The following SGCZ variants were observed in gnomAD, a reference collection of about 807,000 sequenced individuals.
SGCZ encodes sarcoglycan zeta, also known as zeta-sarcoglycan.
Under a neutral mutation model 41.3 loss-of-function variants are expected in SGCZ, and 40 were observed. That is an observed-to-expected ratio of 0.97 (90% CI 0.75 to 1.26). SGCZ has a LOEUF of 1.26. Among genes scored for constraint, SGCZ ranks in the 50% most tolerant of loss-of-function variants. The pLI is 0.00. For synonymous variants in SGCZ, 206 were observed against 137.5 expected, an observed-to-expected ratio of 1.50 and a Z score of -3.49; for missense variants, 552 against 369.8, an observed-to-expected ratio of 1.49 and a Z score of -4.04.
chr8:14,329,587 A>G (rs1802241657), intron 2 of SGCZ, among the ~76,000 whole-genome samples: 1 of 148,098 alleles, frequency 6.8e-6, no homozygotes, highest in South Asian at 2.2e-4. Context: ...TTTTAGTATT[A>G]TGCTTGCTCA....
intron 1 of SGCZ, among the ~76,000 whole-genome samples, chr8:15,236,863 G>A (rs1373818229): frequency 2.0e-5 from 3 of 152,012 alleles, no homozygotes; most frequent in African/African-American, 7.2e-5. Flanking sequence ...GTGTGCGGCC[G>A]GAGCCTCCGC....
intron 4 of SGCZ, among the ~76,000 whole-genome samples, chr8:14,181,675 C>T (rs907921022): frequency 6.6e-5 from 10 of 152,158 alleles, no homozygotes; most frequent in African/African-American, 1.4e-4. Flanking sequence ...GTTTTATAAA[C>T]GGGAGTTCCT....
At chr8:14,274,342 T>G (rs748727155) in intron 3 of SGCZ, among the ~76,000 whole-genome samples, 6 of 152,160 alleles carry the variant, frequency 3.9e-5, no homozygotes, top group Non-Finnish European at 8.8e-5. Flanking sequence ...GGTTTATTAT[T>G]AACGCTGCAC....
At chr8:15,073,520 C>A (rs867379102) in intron 1 of SGCZ, among the ~76,000 whole-genome samples, 1 of 152,186 alleles carries the variant, frequency 6.6e-6, no homozygotes, top group Non-Finnish European at 1.5e-5. Flanking sequence ...GGCCAAACAC[C>A]AGCATAGATG....
At chr8:14,883,259 T>A (rs62493334) in intron 1 of SGCZ, among the ~76,000 whole-genome samples, 29 of 145,860 alleles carry the variant, frequency 2.0e-4, no homozygotes, top group Non-Finnish European at 3.9e-4. Flanking sequence ...AACCACAGAG[T>A]GCAAAGTGAG....
intron 2 of SGCZ, among the ~76,000 whole-genome samples, chr8:14,501,360 G>A (rs1354895607): frequency 6.6e-6 from 1 of 151,764 alleles, no homozygotes; most frequent in Non-Finnish European, 1.5e-5. Flanking sequence ...ACCTAACATA[G>A]TCACAGTTTC....
chr8:14,572,504 G>GAAGT (rs137858311), intron 1 of SGCZ, among the ~76,000 whole-genome samples: 34,494 of 151,862 alleles, frequency 0.23, 4,592 homozygotes, highest in Non-Finnish European at 0.31. Context: ...CCCAGAGAGG[G>GAAGT]AAGTTTATTA....
At chr8:14,445,672 T>G (rs1248274570) in intron 2 of SGCZ, among the ~76,000 whole-genome samples, 1 of 152,132 alleles carries the variant, frequency 6.6e-6, no homozygotes, top group Non-Finnish European at 1.5e-5. Context: ...TCAGGACACA[T>G]TGACTGTGGG....
At chr8:14,956,966 A>AAC (rs139282152) in intron 1 of SGCZ, among the ~76,000 whole-genome samples, 2 of 151,888 alleles carry the variant, frequency 1.3e-5, no homozygotes, top group East Asian at 1.9e-4. Flanking sequence ...TACAGACAGA[A>AAC]ACACACACAC....
At chr8:15,058,136 C>T (rs1056520834) in intron 1 of SGCZ, among the ~76,000 whole-genome samples, 1 of 152,092 alleles carries the variant, frequency 6.6e-6, no homozygotes, top group African/African-American at 2.4e-5. Flanking sequence ...TAGGAAGGTA[C>T]CAACCATACA....
chr8:14,223,953 T>C (rs1806288784), intron 4 of SGCZ, among the ~76,000 whole-genome samples: 1 of 152,154 alleles, frequency 6.6e-6, no homozygotes, highest in Non-Finnish European at 1.5e-5. Flanking sequence ...ATAACTCCAG[T>C]ACATAGATAT....
chr8:14,158,889 C>T (rs1037390570), intron 5 of SGCZ, among the ~76,000 whole-genome samples: 1 of 152,104 alleles, frequency 6.6e-6, no homozygotes, highest in African/African-American at 2.4e-5. Context: ...CTGCCTCAGC[C>T]TCTCGAGTAG....
At chr8:14,407,065 C>CTTTT (rs67046431) in intron 2 of SGCZ, among the ~76,000 whole-genome samples, 7 of 87,186 alleles carry the variant, frequency 8.0e-5, no homozygotes, top group Admixed American at 1.5e-4. Context: ...ATGAGTTTTC[C>CTTTT]TTTTTTTTTT....
chr8:14,391,700 G>A (rs1337269740), intron 2 of SGCZ, among the ~76,000 whole-genome samples: 2 of 152,120 alleles, frequency 1.3e-5, no homozygotes, highest in East Asian at 3.9e-4. Flanking sequence ...ACGAACGGGA[G>A]TGTTTTAGTT....
At chr8:15,218,629 C>T (rs1368670427) in intron 1 of SGCZ, among the ~76,000 whole-genome samples, 3 of 152,158 alleles carry the variant, frequency 2.0e-5, no homozygotes, top group Non-Finnish European at 4.4e-5. Flanking sequence ...AGTTTATCAG[C>T]TTTTCTTCCT....
At position 14,122,045 on chromosome 8, in the gene SGCZ, G is replaced by A. The variant is rs1272986640; in HGVS notation, c.548-13810C>T. On this transcript the variant is annotated intron_variant, in intron 5 of 7. Transcript: ENST00000382080. ...TGTAATCCCAGCACTTTGGGAGGCC[G>A]AGGCGGGCAGATCCCAAGGTCAGGA... 3.3e-5 allele frequency among the ~76,000 whole-genome samples: 5 copies of A among 152,260 alleles called. No individual in the cohort carries two copies. The South Asian group carries it at 6.2e-4, about 19-fold the overall frequency.
At chr8:14,761,423 T>A (rs1799867824) in intron 1 of SGCZ, among the ~76,000 whole-genome samples, 1 of 151,844 alleles carries the variant, frequency 6.6e-6, no homozygotes, top group Non-Finnish European at 1.5e-5. Context: ...AACAAAGCAG[T>A]CTTCCTCAAA....
intron 7 of SGCZ, among the ~76,000 whole-genome samples, chr8:14,096,133 A>C (rs1801838713): frequency 6.6e-6 from 1 of 152,074 alleles, no homozygotes. Flanking sequence ...AGATCTTCCA[A>C]TACTATGTTG....
intron 2 of SGCZ, among the ~76,000 whole-genome samples, chr8:14,469,073 T>A (rs1040550461): frequency 2.0e-5 from 3 of 152,068 alleles, no homozygotes; most frequent in Non-Finnish European, 4.4e-5. Context: ...CAAAATGGAT[T>A]ATTTCAAAAT....
Sources: allele counts gnomAD v4.1 joint callset (sites outside exome capture counted in the v4.1 genomes callset), GRCh38; gene constraint gnomAD v4.1.1; transcripts MANE v1.5; gene names NCBI Gene and HGNC (gene_info 2026-07-23, HGNC 2026-07-21).